MAP3K5: variants seen among roughly 807,000 people sequenced by gnomAD.
MAP3K5 encodes the protein ASK-1.
In MAP3K5, 56 loss-of-function variants were observed where a neutral mutation model predicts 158.7. The observed-to-expected ratio is 0.35, with a 90% CI of 0.28 to 0.44. The LOEUF is 0.44. MAP3K5 is among the 20% of genes least tolerant of loss of function. The pLI, the probability that MAP3K5 is intolerant of heterozygous loss-of-function variation, is 1.00. For missense variants in MAP3K5, 1,294 were observed against 1,674.8 expected (o/e 0.77, Z 3.97); for synonymous variants, 579 against 601.7 (o/e 0.96, Z 0.55).
At chr6:136,678,804 T>A (rs1288273900) in intron 7 of MAP3K5, among the ~76,000 whole-genome samples, 1 of 151,922 alleles carries the variant, frequency 6.6e-6, no homozygotes, top group Non-Finnish European at 1.5e-5. Context: ...TGGCTCACTG[T>A]AACCACCGCC....
chr6:136,776,625 G>A (rs1407183070), intron 1 of MAP3K5, among the ~76,000 whole-genome samples: 2 of 152,172 alleles, frequency 1.3e-5, no homozygotes, highest in Non-Finnish European at 2.9e-5. Context: ...AAATTTAACC[G>A]TAATACTCCT....
rs368431494 is a variant in MAP3K5, at chr6:136,591,267, G to A, written c.3225+906C>T. On this transcript the variant is annotated intron_variant, in intron 23 of 29. Coordinates refer to ENST00000359015, the MANE Select transcript of MAP3K5 (RefSeq NM_005923.4). ...CAGACTAATACATATAGTTTCCTCC[G>A]CATCCCAAGGATGTGCACGTTAGGT... Among the ~76,000 whole-genome samples, 10 of 152,118 alleles carry A rather than the reference G, an allele frequency of 6.6e-5. No homozygotes were observed. The East Asian group carries it at 1.2e-3, about 18-fold the overall frequency.
intron 26 of MAP3K5, among the ~76,000 whole-genome samples, chr6:136,565,307 G>A (rs1044176634): frequency 6.6e-6 from 1 of 152,230 alleles, no homozygotes; most frequent in Non-Finnish European, 1.5e-5. Context: ...AAAAAAGTAT[G>A]GCAGGATCTG....
At chr6:136,583,480 CA>C in intron 24 of MAP3K5, 74 bp downstream of exon 24, 1 of 1,324,952 alleles carries the variant, frequency 7.5e-7, no homozygotes, top group Non-Finnish European at 1.0e-6. Context: ...AGAAAAATAA[CA>C]GAACTTATGT....
chr6:136,781,091 GAGCC>G (rs1407745502), intron 1 of MAP3K5, among the ~76,000 whole-genome samples: 3 of 152,178 alleles, frequency 2.0e-5, no homozygotes, highest in Non-Finnish European at 4.4e-5. Flanking sequence ...TCAGACTCCA[GAGCC>G]AGCACATCTC....
intron 12 of MAP3K5, among the ~76,000 whole-genome samples, chr6:136,642,026 A>AAAT (rs1427330314): frequency 1.7e-5 from 2 of 116,688 alleles, no homozygotes; most frequent in Admixed American, 8.7e-5. Context: ...AAATAAAATA[A>AAAT]AATAAAAATA....
Position 136,557,699 on chromosome 6 carries a change from A to T in MAP3K5, c.*59T>A. Reference sequence around the variant, plus strand: ...TCTCCCTTCGATTTTCCCACCCCCAAGAAGATCAGCTCTGTATTAATTTTT... The same window carrying T: ...TCTCCCTTCGATTTTCCCACCCCCATGAAGATCAGCTCTGTATTAATTTTT... On this transcript the variant is annotated 3_prime_UTR_variant, in exon 30 of 30. Coordinates refer to ENST00000359015, the MANE Select transcript of MAP3K5 (RefSeq NM_005923.4). The T allele has an allele frequency of 7.9e-7, 1 of 1,265,894 alleles. No individual in the cohort carries two copies. The highest frequency in any genetic ancestry group is 1.2e-6 in the Non-Finnish European group (1 of 863,138). The allele number at this position is 1,265,894 out of a possible 1,614,324, so 78.4% of individuals were successfully genotyped here. A position where few individuals can be genotyped will look rare whatever the true frequency, so the allele number is the denominator to read the frequency against.
intron 1 of MAP3K5, among the ~76,000 whole-genome samples, chr6:136,743,925 G>A (rs1349381989): frequency 6.6e-6 from 1 of 152,202 alleles, no homozygotes; most frequent in Non-Finnish European, 1.5e-5. Context: ...TTAAGTGAAA[G>A]AAGCCAGTAT....
intron 1 of MAP3K5, among the ~76,000 whole-genome samples, chr6:136,745,833 A>C (rs1297619212): frequency 6.6e-6 from 1 of 152,212 alleles, no homozygotes; most frequent in Admixed American, 6.5e-5. Flanking sequence ...CAAGAAATTT[A>C]ATCTAGATAA....
intron 1 of MAP3K5, among the ~76,000 whole-genome samples, chr6:136,766,329 C>T (rs1783967742): frequency 6.6e-6 from 1 of 152,232 alleles, no homozygotes; most frequent in Non-Finnish European, 1.5e-5. Context: ...CCTCTGGAAA[C>T]ACTTCATAAT....
intron 1 of MAP3K5, among the ~76,000 whole-genome samples, chr6:136,776,867 C>A (rs747873590): frequency 6.6e-6 from 1 of 152,196 alleles, no homozygotes; most frequent in Non-Finnish European, 1.5e-5. Flanking sequence ...ACAGACAACG[C>A]AGATCTGCAA....
intron 1 of MAP3K5, among the ~76,000 whole-genome samples, chr6:136,750,517 G>A (rs6570098): frequency 0.51 from 77,251 of 152,036 alleles, 20,117 homozygotes; most frequent in African/African-American, 0.62. Context: ...TCTCTTCAAC[G>A]ATGAAGGGGT....
intron 1 of MAP3K5, among the ~76,000 whole-genome samples, chr6:136,746,290 G>A (rs1289753218): frequency 6.6e-6 from 1 of 151,914 alleles, no homozygotes; most frequent in Non-Finnish European, 1.5e-5. Context: ...AATTTTGAGG[G>A]GGGGGCAGGA....
chr6:136,650,043 A>G (rs1562579020), intron 11 of MAP3K5, among the ~76,000 whole-genome samples: 1 of 152,164 alleles, frequency 6.6e-6, no homozygotes, highest in Non-Finnish European at 1.5e-5. Context: ...ATACCTATAC[A>G]TTTATTTATT....
intron 28 of MAP3K5, among the ~76,000 whole-genome samples, chr6:136,561,092 A>T (rs182022614): frequency 2.2e-3 from 332 of 152,114 alleles, no homozygotes; most frequent in African/African-American, 7.7e-3. Flanking sequence ...AAATACATAA[A>T]ATTCCTAAGG....
At chr6:136,707,731 G>A (rs986485312) in intron 2 of MAP3K5, among the ~76,000 whole-genome samples, 2 of 152,232 alleles carry the variant, frequency 1.3e-5, no homozygotes, top group Admixed American at 6.5e-5. Context: ...GTTTTTTAAG[G>A]TGAGTGATAT....
At chr6:136,653,739 G>T (rs1188868437) in intron 10 of MAP3K5, among the ~76,000 whole-genome samples, 1 of 152,132 alleles carries the variant, frequency 6.6e-6, no homozygotes, top group Non-Finnish European at 1.5e-5. Flanking sequence ...GTAAATATAA[G>T]AAAACAATCA....
chr6:136,700,012 T>G (rs950929871), intron 3 of MAP3K5, among the ~76,000 whole-genome samples: 1 of 151,984 alleles, frequency 6.6e-6, no homozygotes, highest in Non-Finnish European at 1.5e-5. Flanking sequence ...GAGAATCACT[T>G]GTAGTGAGCC....
intron 25 of MAP3K5, among the ~76,000 whole-genome samples, chr6:136,568,744 G>A (rs9385763): frequency 0.11 from 16,633 of 151,338 alleles, 1,012 homozygotes; most frequent in East Asian, 0.16. Flanking sequence ...ATGGTGGCAC[G>A]CTACTTGGGA....
Sources: gnomAD v4.1 joint callset for allele counts (sites outside exome capture counted in the v4.1 genomes callset) on GRCh38, gnomAD v4.1.1 for gene constraint, MANE v1.5 for transcripts, NCBI Gene and HGNC (gene_info 2026-07-23, HGNC 2026-07-21) for gene names.